TGFBR1: variants seen among roughly 807,000 people sequenced by gnomAD.
The protein encoded by TGFBR1 is transforming growth factor beta receptor 1.
A neutral mutation model predicts 55.1 loss-of-function variants in TGFBR1; 20 were observed. The ratio of observed to expected loss-of-function variants is 0.36; its 90% CI spans 0.26 to 0.53. The LOEUF is 0.53. TGFBR1 is among the 20% of genes least tolerant of loss of function. TGFBR1 has a pLI of 0.91. For synonymous variants in TGFBR1, 220 were observed against 214.8 expected (o/e 1.02, Z -0.21); for missense variants, 385 against 617.6 (o/e 0.62, Z 3.99).
rs954968453 is a variant in TGFBR1 at position 99,150,634 on chromosome 9, A to C, written c.*1329A>C. The C allele has an allele frequency of 4.7e-6, 1 of 213,208 alleles. No individual in the cohort carries two copies. The highest frequency in any genetic ancestry group is 9.5e-6 in the Non-Finnish European group (1 of 105,070). 13.2% of individuals were successfully genotyped at this position (213,208 alleles called of 1,614,324 possible). A position where few individuals can be genotyped will look rare whatever the true frequency, so the allele number is the denominator to read the frequency against. On this transcript the variant is annotated 3_prime_UTR_variant, in exon 9 of 9. Transcript: ENST00000374994. ...TTTGAGGTCTCACTACACTTTGAGG[A>C]AGGCAGCTTTTAATTCAGTGTTTCC...
rs1383627671 is a variant in TGFBR1 at position 99,129,033 on chromosome 9, T to C, written c.276T>C (p.Thr92=). The C allele has an allele frequency of 1.2e-6, 2 of 1,613,960 alleles. No homozygotes were observed. The highest frequency in any genetic ancestry group is 1.7e-5 in the Admixed American group (1 of 59,982). The stretch of plus-strand genomic sequence containing the variant: ...TTGTATGTGCACCCTCTTCAAAAAC[T>C]GGGTCTGTGACTACAACATATTGCT... The part of the protein sequence containing the change: ...RPFVCAPSSK[T]GSVTTTYCCN... Residue 92 remains threonine (T), a synonymous_variant, in exon 2 of 9, where the codon ACT becomes ACC. Transcript: ENST00000374994.
intron 3 of TGFBR1, among the ~76,000 whole-genome samples, chr9:99,134,840 ATATATATATATAT>A (rs1827381517): frequency 1.0e-5 from 1 of 100,472 alleles, no homozygotes; most frequent in Non-Finnish European, 2.1e-5. Flanking sequence ...ATATATATAT[ATATATATATATAT>A]TTCTAGATCC....
upstream of TGFBR1, among the ~76,000 whole-genome samples, chr9:99,104,886 G>T (rs753853779): frequency 6.6e-6 from 1 of 152,048 alleles, no homozygotes; most frequent in Non-Finnish European, 1.5e-5. Context: ...GGAGCCGATC[G>T]GGCCGGGGCT....
chr9:99,114,452 C>A (rs967454834), intron 1 of TGFBR1, among the ~76,000 whole-genome samples: 20 of 152,316 alleles, frequency 1.3e-4, no homozygotes, highest in African/African-American at 4.8e-4. Flanking sequence ...CCAAGATTGT[C>A]ATACAGGGAG....
chr9:99,148,383 T>C (rs1174646428), intron 8 of TGFBR1, among the ~76,000 whole-genome samples: 1 of 152,210 alleles, frequency 6.6e-6, no homozygotes, highest in Non-Finnish European at 1.5e-5. Flanking sequence ...TAATTGTAAA[T>C]TTAAAGATTC....
At chr9:99,122,587 G>A (rs1826927241) in intron 1 of TGFBR1, among the ~76,000 whole-genome samples, 1 of 152,004 alleles carries the variant, frequency 6.6e-6, no homozygotes, top group Admixed American at 6.6e-5. Flanking sequence ...GGGTCCTGTT[G>A]TCTCTTTTTC....
At chr9:99,140,302 A>G (rs1482493894) in intron 4 of TGFBR1, among the ~76,000 whole-genome samples, 2 of 152,142 alleles carry the variant, frequency 1.3e-5, no homozygotes, top group African/African-American at 2.4e-5. Flanking sequence ...AAAATACAAA[A>G]AAATTAGCCA....
intron 1 of TGFBR1, among the ~76,000 whole-genome samples, chr9:99,117,191 G>A (rs1473387942): frequency 6.6e-6 from 1 of 151,834 alleles, no homozygotes; most frequent in Non-Finnish European, 1.5e-5. Context: ...GGGTTCAAGT[G>A]ATTCTCCTGT....
At chr9:99,148,161 A>G (rs904223303) in intron 8 of TGFBR1, among the ~76,000 whole-genome samples, 5 of 152,218 alleles carry the variant, frequency 3.3e-5, no homozygotes, top group Admixed American at 1.3e-4. Flanking sequence ...CTGACTCTGA[A>G]CAAATCCCTT....
At chr9:99,123,144 T>C (rs577609353) in intron 1 of TGFBR1, among the ~76,000 whole-genome samples, 1 of 152,186 alleles carries the variant, frequency 6.6e-6, no homozygotes, top group Non-Finnish European at 1.5e-5. Flanking sequence ...CCTGAGCATT[T>C]TGCATGAGGG....
In TGFBR1 at chr9:99,150,962, T is replaced by C. The variant is rs1827963963; in HGVS notation, c.*1657T>C. On this transcript the variant is annotated 3_prime_UTR_variant, in exon 9 of 9. Coordinates refer to ENST00000374994, the MANE Select transcript of TGFBR1 (RefSeq NM_004612.4). Reference sequence around the variant, plus strand: ...TGAGGGGAGAAAAAACTATCATAGCTCTGAGGCAAGACTTCGACTTTATAG... The same window carrying C: ...TGAGGGGAGAAAAAACTATCATAGCCCTGAGGCAAGACTTCGACTTTATAG... 1 of 226,590 alleles carries C rather than the reference T, an allele frequency of 4.4e-6. No individual in the cohort carries two copies. Among genetic ancestry groups the C allele is most frequent in the Non-Finnish European group, 8.8e-6 (1 of 113,632 alleles). The allele number at this position is 226,590 out of a possible 1,614,324, so 14.0% of individuals were successfully genotyped here. A position where few individuals can be genotyped will look rare whatever the true frequency, so the allele number is the denominator to read the frequency against.
Position 99,150,993 on chromosome 9 carries a change from T to C in TGFBR1, c.*1688T>C, listed in dbSNP as rs201101156. Reference sequence around the variant, plus strand: ...GCAAGACTTCGACTTTATAGTGCTATCAGTTCCCCGATACAGGGTCAGAGT... The same window carrying C: ...GCAAGACTTCGACTTTATAGTGCTACCAGTTCCCCGATACAGGGTCAGAGT... On this transcript the variant is annotated 3_prime_UTR_variant, in exon 9 of 9. Transcript: ENST00000374994. The C allele has an allele frequency of 4.4e-6, 1 of 227,370 alleles. No individual in the cohort carries two copies. The highest frequency in any genetic ancestry group is 6.3e-5 in the East Asian group (1 of 15,852). The allele number at this position is 227,370 out of a possible 1,614,324, so 14.1% of individuals were successfully genotyped here.
At chr9:99,145,587 A>G (rs1042361275) in intron 6 of TGFBR1, among the ~76,000 whole-genome samples, 7 of 152,252 alleles carry the variant, frequency 4.6e-5, no homozygotes, top group Non-Finnish European at 1.5e-5. Context: ...TGTTGAGTCC[A>G]TGAGTCTTCA....
chr9:99,146,380 A>G (rs1384138365), intron 6 of TGFBR1, 105 bp from the exon 7 acceptor site: 9 of 1,271,052 alleles, frequency 7.1e-6, no homozygotes, highest in African/African-American at 4.4e-5. Flanking sequence ...GTTATGTAAT[A>G]TTGTGTACAT....
rs1331584957 is a variant in TGFBR1, at chr9:99,149,309, T to A, written c.*4T>A. 1.2e-6 allele frequency: 2 copies of A among 1,613,668 alleles called. No homozygotes were observed. The highest frequency in any genetic ancestry group is 3.3e-5 in the Admixed American group (2 of 60,004). On this transcript the variant is annotated 3_prime_UTR_variant, in exon 9 of 9. Coordinates refer to ENST00000374994, the MANE Select transcript of TGFBR1 (RefSeq NM_004612.4). The stretch of plus-strand genomic sequence containing the variant: ...ACAGGAAGGCATCAAAATGTAATTC[T>A]ACAGCTTTGCCTGAACTCTCCTTTT...
intron 1 of TGFBR1, among the ~76,000 whole-genome samples, chr9:99,124,699 A>T (rs1037647250): frequency 1.3e-5 from 2 of 152,176 alleles, no homozygotes; most frequent in African/African-American, 4.8e-5. Context: ...ATCAAGACTG[A>T]CTTCAAGTGG....
At chr9:99,128,474 G>GT (rs1398269840) in intron 1 of TGFBR1, among the ~76,000 whole-genome samples, 1,512 of 116,970 alleles carry the variant, frequency 0.013, 26 homozygotes, top group African/African-American at 0.042. Flanking sequence ...TTTGGGCCTG[G>GT]TAAAAAAAAA....
Position 99,142,718 on chromosome 9 carries a change from A to C in TGFBR1, c.973+15A>C. The C allele has an allele frequency of 6.2e-7, 1 of 1,613,592 alleles. No individual in the cohort carries two copies. The highest frequency in any genetic ancestry group is 2.2e-5 in the East Asian group (1 of 44,864). ...TGGTACCCAAGGTAATTCTATAAGC[A>C]GTTCTATTATTTAAGCTTTAAATTT... On this transcript the variant is annotated intron_variant, in intron 5 of 8. Coordinates refer to ENST00000374994, the MANE Select transcript of TGFBR1 (RefSeq NM_004612.4).
intron 2 of TGFBR1, among the ~76,000 whole-genome samples, chr9:99,131,372 C>T (rs1241074652): frequency 6.6e-6 from 1 of 152,124 alleles, no homozygotes; most frequent in African/African-American, 2.4e-5. Flanking sequence ...TGCATGGACT[C>T]TTCCTGAAAG....
Sources: gnomAD v4.1 joint callset for allele counts (sites outside exome capture counted in the v4.1 genomes callset) on GRCh38, gnomAD v4.1.1 for gene constraint, MANE v1.5 for transcripts, NCBI Gene and HGNC (gene_info 2026-07-23, HGNC 2026-07-21) for gene names.